SYNE2: variants seen among roughly 807,000 people sequenced by gnomAD.
The protein encoded by SYNE2 is nesprin-2.
A neutral mutation model predicts 856.3 loss-of-function variants in SYNE2; 431 were observed. That is an observed-to-expected ratio of 0.50 (90% confidence interval 0.47 to 0.55). The LOEUF (loss-of-function observed/expected upper bound fraction) is 0.55, where lower values mean the gene tolerates loss of function less well. Among genes scored for constraint, SYNE2 ranks in the 20% least tolerant of loss-of-function variants. The probability of loss-of-function intolerance (pLI) is 0.00; values close to 1 mark genes in which losing one functional copy is unlikely to be tolerated. For synonymous variants in SYNE2, 2,923 were observed against 2,872.3 expected, an observed-to-expected ratio of 1.02 and a Z score of -0.56; for missense variants, 8,129 against 8,023.2, an observed-to-expected ratio of 1.01 and a Z score of -0.50.
chr14:64,202,411 C>T (rs1048605651), intron 99 of SYNE2: 4 of 645,118 alleles, frequency 6.2e-6, no homozygotes, highest in Non-Finnish European at 1.1e-5. Context: ...TCAGGCATAC[C>T]CACGGCAGAA....
intron 1 of SYNE2, among the ~76,000 whole-genome samples, chr14:63,860,243 A>C (rs1474007851): frequency 6.7e-6 from 1 of 148,354 alleles, no homozygotes; most frequent in African/African-American, 2.6e-5. Flanking sequence ...AATACTGCAG[A>C]GTATTACAAT....
At chr14:64,036,987 CT>C (rs1437355680) in intron 45 of SYNE2, among the ~76,000 whole-genome samples, 2 of 152,110 alleles carry the variant, frequency 1.3e-5, no homozygotes, top group Non-Finnish European at 2.9e-5. Flanking sequence ...CCATGATAGT[CT>C]TTAACCAAGG....
chr14:64,199,132 G>A (rs528498470), intron 99 of SYNE2, among the ~76,000 whole-genome samples: 7 of 152,314 alleles, frequency 4.6e-5, no homozygotes, highest in African/African-American at 1.7e-4. Context: ...TAAGAGCCCA[G>A]GTTGTAGCAT....
In SYNE2 at chr14:64,170,433, C is replaced by G; in HGVS notation, c.17206C>G (p.Gln5736Glu). Reference protein sequence around the residue: ...VKGQERFSLYQTRSLIHELKN... With the variant: ...VKGQERFSLYETRSLIHELKN... ...GGGCCAGGAGCGCTTCAGCCTCTAC[C>G]AAACCAGAAGTCTGATCCATGAGCT... is the stretch of plus-strand genomic sequence containing the variant. Residue 5736 changes from glutamine to glutamate, a missense_variant, in exon 94 of 116, where the codon CAA becomes GAA. Transcript: ENST00000555002. The G allele has an allele frequency of 6.2e-7, 1 of 1,613,284 alleles. No individual in the cohort carries two copies. The highest frequency in any genetic ancestry group is 8.5e-7 in the Non-Finnish European group (1 of 1,179,664).
chr14:63,914,934 C>T (rs957478899), intron 2 of SYNE2, among the ~76,000 whole-genome samples: 4 of 152,088 alleles, frequency 2.6e-5, no homozygotes, highest in Admixed American at 6.5e-5. Flanking sequence ...TGTGCCACCA[C>T]GCCAAGCTAT....
At chr14:64,192,178 A>C (rs2098521661) in intron 99 of SYNE2, among the ~76,000 whole-genome samples, 2 of 152,168 alleles carry the variant, frequency 1.3e-5, no homozygotes, top group Admixed American at 1.3e-4. Context: ...AGAGCTTAGA[A>C]TAGCGCGTCA....
Position 64,025,051 on chromosome 14 carries a change from A to G in SYNE2, c.5960+20A>G. On this transcript the variant is annotated intron_variant, in intron 40 of 115. Coordinates refer to ENST00000555002, the MANE Select transcript of SYNE2 (RefSeq NM_182914.3). ...AAAGAGGTATAGCTGATCTTGTATG[A>G]AATACATTACCTGAGATTATGGTTT... is the stretch of plus-strand genomic sequence containing the variant. 11 of 1,614,042 alleles carry G rather than the reference A, an allele frequency of 6.8e-6. No individual in the cohort carries two copies. Among genetic ancestry groups the G allele is most frequent in the Non-Finnish European group, 8.5e-6 (10 of 1,179,948 alleles).
chr14:64,220,738 AAATGTGGCTGG>A (rs2098690564), intron 111 of SYNE2, 101 bp downstream of exon 111: 7 of 1,358,078 alleles, frequency 5.2e-6, no homozygotes, highest in Non-Finnish European at 7.2e-6. Context: ...CCGTGCAGCC[AAATGTGGCTGG>A]TGTCAGGAAA....
chr14:63,777,505 C>G (rs1887153589), intron 1 of SYNE2, among the ~76,000 whole-genome samples: 1 of 152,006 alleles, frequency 6.6e-6, no homozygotes, highest in East Asian at 1.9e-4. Flanking sequence ...AGAGCAAGAC[C>G]CTGCCTCAAA....
At position 63,998,924 on chromosome 14, in the gene SYNE2, T is replaced by C. The variant is rs555785411; in HGVS notation, c.3364T>C (p.Tyr1122His). The C allele has an allele frequency of 4.5e-5, 72 of 1,614,066 alleles. No individual in the cohort carries two copies. In the East Asian group the frequency reaches 1.4e-3, roughly 32 times the overall value. Residue 1122 changes from tyrosine (Y) to histidine (H), a missense_variant, in exon 27 of 116, where the codon TAC becomes CAC. By Grantham distance (83) the Tyr-to-His change is moderately conservative. This residue lies in a region of SYNE2 where 2,422 missense variants were observed against 2,357.4 expected (regional missense o/e 1.03). Transcript: ENST00000555002. ...INSLLERYDT[Y>H]RDILEHHLQN... is the part of the protein sequence containing the mutation. ...TTTCATTTTGCCCAGGTATGATACA[T>C]ACAGAGATATTCTTGAACACCACCT...
intron 96 of SYNE2, 21 bp from the exon 97 acceptor site, chr14:64,186,403 C>A (rs551273032): frequency 1.3e-5 from 21 of 1,613,920 alleles, no homozygotes; most frequent in Non-Finnish European, 1.7e-5. Flanking sequence ...CTTTTTACCC[C>A]CTTCTTGTGA....
At chr14:64,147,728 C>T (rs981819949) in intron 84 of SYNE2, among the ~76,000 whole-genome samples, 6 of 152,184 alleles carry the variant, frequency 3.9e-5, no homozygotes, top group Non-Finnish European at 7.3e-5. Context: ...CACCAACCAC[C>T]GCTTTGCATG....
At chr14:63,986,194 G>A (rs758522808) in intron 18 of SYNE2, among the ~76,000 whole-genome samples, 23 of 152,010 alleles carry the variant, frequency 1.5e-4, no homozygotes, top group Non-Finnish European at 2.6e-4. Flanking sequence ...CAAACTCCTG[G>A]GTTTAGGCAA....
intron 91 of SYNE2, 31 bp downstream of exon 91, chr14:64,167,418 A>T (rs1444161155): frequency 6.2e-7 from 1 of 1,614,212 alleles, no homozygotes. Flanking sequence ...TCGTTGTTTC[A>T]ATTAAGGTAA....
chr14:63,840,519 T>A (rs1890028945), intron 1 of SYNE2, among the ~76,000 whole-genome samples: 1 of 150,294 alleles, frequency 6.7e-6, no homozygotes, highest in Admixed American at 6.7e-5. Context: ...TTCCTTTTTT[T>A]TTTTTTTGAA....
rs139826953 is a variant in SYNE2, at chr14:64,220,443, C to A, written c.19867C>A (p.Leu6623Met). The part of the protein sequence containing the change: ...ELRVKRLQEI[L>M]KAFDTYKALV... ...TCTTTTCTCTCTCTGGTAGGAGATA[C>A]TGAAAGCCTTTGACACTTACAAGGC... The change falls in exon 111 of 116, where the codon CTG becomes ATG. Residue 6623 changes from leucine (L) to methionine (M), a missense_variant. Transcript: ENST00000555002. The A allele has an allele frequency of 6.2e-7, 1 of 1,614,206 alleles. No homozygotes were observed. Among genetic ancestry groups the A allele is most frequent in the East Asian group, 2.2e-5 (1 of 44,888 alleles).
intron 110 of SYNE2, among the ~76,000 whole-genome samples, chr14:64,219,913 T>C (rs946566847): frequency 6.6e-6 from 1 of 152,224 alleles, no homozygotes; most frequent in Non-Finnish European, 1.5e-5. Flanking sequence ...CCACTGGAAC[T>C]AGCCCAGGGA....
chr14:63,977,413 C>T (rs1162461750), intron 12 of SYNE2, among the ~76,000 whole-genome samples: 9 of 152,216 alleles, frequency 5.9e-5, no homozygotes, highest in African/African-American at 1.7e-4. Context: ...GGGGTTTCAC[C>T]GTGTCAGCCA....
At chr14:63,839,886 C>T (rs771749802) in intron 1 of SYNE2, among the ~76,000 whole-genome samples, 6 of 152,130 alleles carry the variant, frequency 3.9e-5, no homozygotes, top group South Asian at 2.1e-4. Context: ...TTGGTTATCA[C>T]GTTTAAATTT....
Sources: allele counts gnomAD v4.1 joint callset (sites outside exome capture counted in the v4.1 genomes callset), GRCh38; gene constraint gnomAD v4.1.1; regional missense constraint gnomAD v4.1.1; transcripts MANE v1.5; gene names NCBI Gene and HGNC (gene_info 2026-07-23, HGNC 2026-07-21).